Variants in ZFP42 observed in about 807,000 individuals in gnomAD.
ZFP42 encodes the protein ZFP42 zinc finger protein, also known as zinc finger protein 42 homolog.
For missense variants in ZFP42, 438 were observed against 377.1 expected, an observed-to-expected ratio of 1.16 and a Z score of -1.34; for synonymous variants, 175 against 144.6, an observed-to-expected ratio of 1.21 and a Z score of -1.51.
rs898407887 is a variant in ZFP42, at chr4:188,002,941, C to T, written c.134C>T (p.Ala45Val). ...DLQAEIEPVS[A>V]VWALCDGYVC... ...CAGGCGGAAATAGAACCTGTCAGCG[C>T]GGTGTGGGCCTTATGTGATGGCTAT... Residue 45 changes from alanine to valine, a missense_variant, in exon 4 of 4, where the codon GCG becomes GTG. Coordinates refer to ENST00000326866, the MANE Select transcript of ZFP42 (RefSeq NM_174900.5). 3.7e-6 allele frequency: 6 copies of T among 1,614,118 alleles called. No homozygotes were observed. The highest frequency in any genetic ancestry group is 2.2e-5 in the East Asian group (1 of 44,862).
intron 1 of ZFP42, among the ~76,000 whole-genome samples, chr4:187,996,558 C>T (rs1400497441): frequency 2.0e-5 from 3 of 152,128 alleles, no homozygotes; most frequent in Non-Finnish European, 4.4e-5. Context: ...GATCCGCCCG[C>T]CTCAGCCTCC....
rs767539611 is a variant in ZFP42, at chr4:188,002,834, A to G, written c.27A>G (p.Ala9=). Reference sequence around the variant, plus strand: ...TGAGCCAGCAACTGAAGAAACGGGCAAAGACAAGACACCAGAAAGGCCTGG... The same window carrying G: ...TGAGCCAGCAACTGAAGAAACGGGCGAAGACAAGACACCAGAAAGGCCTGG... MSQQLKKR[A]KTRHQKGLGG... The change falls in exon 4 of 4, where the codon GCA becomes GCG. Residue 9 remains alanine, a synonymous_variant. Transcript: ENST00000326866. 6.2e-6 allele frequency: 10 copies of G among 1,614,146 alleles called. No homozygotes were observed. The highest frequency in any genetic ancestry group is 1.6e-4 in the Middle Eastern group (1 of 6,062).
Position 188,003,267 on chromosome 4 carries a change from C to G in ZFP42, c.460C>G (p.Pro154Ala). 6.2e-7 allele frequency: 1 copy of G among 1,614,086 alleles called. No individual in the cohort carries two copies. Among genetic ancestry groups the G allele is most frequent in the Non-Finnish European group, 8.5e-7 (1 of 1,180,034 alleles). ...SEYMTGKKLP[P>A]GGIPGIDLSD... Reference sequence around the variant, plus strand: ...GTACATGACAGGCAAGAAGCTTCCGCCTGGAGGAATACCTGGCATTGACCT... The same window carrying G: ...GTACATGACAGGCAAGAAGCTTCCGGCTGGAGGAATACCTGGCATTGACCT... Residue 154 changes from proline to alanine, a missense_variant, in exon 4 of 4, where the codon CCT (proline) becomes GCT (alanine). By Grantham distance (27) the Pro-to-Ala change is conservative. Coordinates refer to ENST00000326866, the MANE Select transcript of ZFP42 (RefSeq NM_174900.5).
At position 188,003,972 on chromosome 4, in the gene ZFP42, A is replaced by G. The variant is rs1375103576; in HGVS notation, c.*232A>G. 2 of 442,886 alleles carry G rather than the reference A, an allele frequency of 4.5e-6. No homozygotes were observed. The highest frequency in any genetic ancestry group is 8.2e-6 in the Non-Finnish European group (2 of 243,008). 27.4% of individuals were successfully genotyped at this position (442,886 alleles called of 1,614,324 possible). On this transcript the variant is annotated 3_prime_UTR_variant, in exon 4 of 4. Coordinates refer to ENST00000326866, the MANE Select transcript of ZFP42 (RefSeq NM_174900.5). ...ACTTTTTTTATTTGTTTTATTTAGAACTTTGTGTGTTCTTAAAGTGTGCTT... is the reference window on the plus strand; with the variant it reads ...ACTTTTTTTATTTGTTTTATTTAGAGCTTTGTGTGTTCTTAAAGTGTGCTT...
chr4:188,001,056 A>G (rs1560913817), intron 3 of ZFP42, among the ~76,000 whole-genome samples: 2 of 152,194 alleles, frequency 1.3e-5, no homozygotes, highest in African/African-American at 4.8e-5. Context: ...TATGTATTAC[A>G]TATTTTTAAA....
intron 3 of ZFP42, among the ~76,000 whole-genome samples, chr4:188,001,358 C>A (rs1003663750): frequency 1.3e-5 from 2 of 152,134 alleles, no homozygotes; most frequent in African/African-American, 4.8e-5. Flanking sequence ...ATAACATATT[C>A]ATGCTATAAC....
At position 188,000,857 on chromosome 4, in the gene ZFP42, C is replaced by CGG. The variant is rs150580925; in HGVS notation, c.-96+1178_-96+1179dup. On this transcript the variant is annotated intron_variant, in intron 3 of 3. Transcript: ENST00000326866. The stretch of plus-strand genomic sequence containing the variant: ...AAATTAGCTGGGTGTGGTGGCGGGG[C>CGG]GGGGGGGCGCCTGCCTGTAATCCCA... Among the ~76,000 whole-genome samples the CGG allele has an allele frequency of 2.0e-4, 30 of 151,574 alleles. No homozygotes were observed. In the South Asian group the frequency reaches 2.3e-3, roughly 12 times the overall value.
At chr4:187,998,976 A>G (rs931270050) in intron 1 of ZFP42, 132 bp from the exon 2 acceptor site, 7 of 152,262 alleles carry the variant, frequency 4.6e-5, no homozygotes, top group Admixed American at 3.3e-4. Flanking sequence ...GCTATGAGAA[A>G]TAGCATAATG....
At chr4:188,001,047 A>G (rs962987233) in intron 3 of ZFP42, among the ~76,000 whole-genome samples, 1 of 152,180 alleles carries the variant, frequency 6.6e-6, no homozygotes, top group Admixed American at 6.5e-5. Context: ...TATAACATAT[A>G]TGTATTACAT....
chr4:187,997,832 G>T (rs569751771), intron 1 of ZFP42, among the ~76,000 whole-genome samples: 1 of 152,150 alleles, frequency 6.6e-6, no homozygotes, highest in Admixed American at 6.5e-5. Context: ...CCATGGCCTA[G>T]TGACATCTTC....
chr4:187,999,458 C>T (rs1733727183), intron 2 of ZFP42, among the ~76,000 whole-genome samples, 151 bp from the exon 3 acceptor site: 1 of 152,060 alleles, frequency 6.6e-6, no homozygotes, highest in African/African-American at 2.4e-5. Flanking sequence ...TATGTAACAC[C>T]CTGCATCATT....
In ZFP42 at chr4:188,002,185, A is replaced by T. The variant is rs187003876; in HGVS notation, c.-95-528A>T. Among the ~76,000 whole-genome samples, 440 of 152,278 alleles carry T rather than the reference A, an allele frequency of 2.9e-3. 2 individuals carry two copies. Among genetic ancestry groups the T allele is most frequent in the African/African-American group, 0.01 (428 of 41,554 alleles). Reference sequence around the variant, plus strand: ...GAGTGAGACTCCGTCTCCAAAAAAAAAGAAGAAAAAGAAAAGACAGTATTT... The same window carrying T: ...GAGTGAGACTCCGTCTCCAAAAAAATAGAAGAAAAAGAAAAGACAGTATTT... On this transcript the variant is annotated intron_variant, in intron 3 of 3. Transcript: ENST00000326866.
Position 188,003,002 on chromosome 4 carries a change from G to A in ZFP42, c.195G>A (p.Gly65=), listed in dbSNP as rs771378437. The part of the protein sequence containing the change: ...CYEPGPQALG[G]DDFSDCYIEC... ...AGCCTGGCCCTCAGGCTCTCGGAGG[G>A]GATGATTTCTCAGACTGTTACATAG... Residue 65 remains glycine, a synonymous_variant, in exon 4 of 4, where the codon GGG becomes GGA. Transcript: ENST00000326866. 3.1e-6 allele frequency: 5 copies of A among 1,614,158 alleles called. No homozygotes were observed. The highest frequency in any genetic ancestry group is 4.2e-6 in the Non-Finnish European group (5 of 1,180,034).
At position 188,003,394 on chromosome 4, in the gene ZFP42, C is replaced by T; in HGVS notation, c.587C>T (p.Thr196Ile). The T allele has an allele frequency of 6.2e-7, 1 of 1,614,084 alleles. No homozygotes were observed. Among genetic ancestry groups the T allele is most frequent in the South Asian group, 1.1e-5 (1 of 91,084 alleles). The change falls in exon 4 of 4, where the codon ACT (threonine) becomes ATT (isoleucine). Residue 196 changes from threonine (T) to isoleucine (I), a missense_variant. Physicochemically the swap from Thr to Ile is moderately conservative, Grantham distance 89. Coordinates refer to ENST00000326866, the MANE Select transcript of ZFP42 (RefSeq NM_174900.5). ...SAIACPQSGC[T>I]RKLRNRAALR... ...ATCGCTTGTCCTCAGAGTGGATGCA[C>T]TAGGAAGTTGAGGAATAGAGCTGCC...
In ZFP42 at chr4:188,003,265, C is replaced by T. The variant is rs1354614531; in HGVS notation, c.458C>T (p.Pro153Leu). 9 of 1,613,992 alleles carry T rather than the reference C, an allele frequency of 5.6e-6. No individual in the cohort carries two copies. Among genetic ancestry groups the T allele is most frequent in the African/African-American group, 1.3e-5 (1 of 75,006 alleles). The part of the protein sequence containing the change: ...YSEYMTGKKL[P>L]PGGIPGIDLS... ...GAGTACATGACAGGCAAGAAGCTTC[C>T]GCCTGGAGGAATACCTGGCATTGAC... Residue 153 changes from proline (P) to leucine (L), a missense_variant, in exon 4 of 4, where the codon CCG (proline) becomes CTG (leucine). Pro to Leu is a moderately conservative substitution (Grantham distance 98). Transcript: ENST00000326866.
Position 187,999,246 on chromosome 4 carries a change from A to C in ZFP42, c.-200A>C, listed in dbSNP as rs1204757987. 1 of 152,090 alleles carries C rather than the reference A, an allele frequency of 6.6e-6. No individual in the cohort carries two copies. The highest frequency in any genetic ancestry group is 2.4e-5 in the African/African-American group (1 of 41,394). 9.4% of individuals were successfully genotyped at this position (152,090 alleles called of 1,614,324 possible). On this transcript the variant is annotated 5_prime_UTR_variant, in exon 2 of 4. Coordinates refer to ENST00000326866, the MANE Select transcript of ZFP42 (RefSeq NM_174900.5). Reference sequence around the variant, plus strand: ...ACCCCACTCACGGCCTCCCTTGGGAATTCAGACCTAACCATCGCTGAGCTG... The same window carrying C: ...ACCCCACTCACGGCCTCCCTTGGGACTTCAGACCTAACCATCGCTGAGCTG...
chr4:188,001,552 C>A (rs1733822825), intron 3 of ZFP42, among the ~76,000 whole-genome samples: 1 of 152,160 alleles, frequency 6.6e-6, no homozygotes, highest in Non-Finnish European at 1.5e-5. Flanking sequence ...GCCCATGGGC[C>A]AGTCTCCCTG....
In ZFP42 at chr4:188,003,279, C is replaced by G. The variant is rs143445473; in HGVS notation, c.472C>G (p.Pro158Ala). The change falls in exon 4 of 4, where the codon CCT becomes GCT. Residue 158 changes from proline to alanine, a missense_variant. Physicochemically the swap from Pro to Ala is conservative, Grantham distance 27. Coordinates refer to ENST00000326866, the MANE Select transcript of ZFP42 (RefSeq NM_174900.5). ...CAAGAAGCTTCCGCCTGGAGGAATA[C>G]CTGGCATTGACCTATCAGATCCTAA... is the stretch of plus-strand genomic sequence containing the variant. ...TGKKLPPGGI[P>A]GIDLSDPKQL... 1.2e-6 allele frequency: 2 copies of G among 1,613,994 alleles called. No homozygotes were observed. Among genetic ancestry groups the G allele is most frequent in the African/African-American group, 1.3e-5 (1 of 74,920 alleles).
At position 188,003,827 on chromosome 4, in the gene ZFP42, A is replaced by G. The variant is rs1560917131; in HGVS notation, c.*87A>G. Reference sequence around the variant, plus strand: ...TTATTGTTTCTAGGAAGGAATTTCTAAATCAATATTGCAACCCCAAAAGCG... The same window carrying G: ...TTATTGTTTCTAGGAAGGAATTTCTGAATCAATATTGCAACCCCAAAAGCG... On this transcript the variant is annotated 3_prime_UTR_variant, in exon 4 of 4. Transcript: ENST00000326866. 23 of 1,357,410 alleles carry G rather than the reference A, an allele frequency of 1.7e-5. No homozygotes were observed. Among genetic ancestry groups the G allele is most frequent in the Non-Finnish European group, 2.3e-5 (23 of 1,006,464 alleles). The allele number at this position is 1,357,410 out of a possible 1,614,324, so 84.1% of individuals were successfully genotyped here. A position where few individuals can be genotyped will look rare whatever the true frequency, so the allele number is the denominator to read the frequency against.
Sources: gnomAD v4.1 joint callset for allele counts (sites outside exome capture counted in the v4.1 genomes callset) on GRCh38, gnomAD v4.1.1 for gene constraint, MANE v1.5 for transcripts, NCBI Gene and HGNC (gene_info 2026-07-23, HGNC 2026-07-21) for gene names.